Variants in NXPE2 observed in about 807,000 individuals in gnomAD.
NXPE2 encodes NXPE family member 2.
A neutral mutation model predicts 34.4 loss-of-function variants in NXPE2; 34 were observed. The observed-to-expected ratio is 0.99, with a 90% confidence interval of 0.75 to 1.31. NXPE2 has a LOEUF of 1.31. Among genes scored for constraint, NXPE2 ranks in the 40% most tolerant of loss-of-function variants. The probability of loss-of-function intolerance (pLI) is 0.00; values close to 1 mark genes in which losing one functional copy is unlikely to be tolerated. For missense variants in NXPE2, 649 were observed against 672.5 expected (o/e 0.97, Z 0.39); for synonymous variants, 235 against 231.3 (o/e 1.02, Z -0.15).
chr11:114,625,048 C>T, the NXPE2 span, among the ~76,000 whole-genome samples: 3 of 152,162 alleles, frequency 2.0e-5, no homozygotes, highest in South Asian at 2.1e-4. Context: ...AACACTGTTA[C>T]CCTGTGGATG....
chr11:114,658,973 G>A, the NXPE2 span, among the ~76,000 whole-genome samples: 1 of 152,104 alleles, frequency 6.6e-6, no homozygotes, highest in East Asian at 1.9e-4. Flanking sequence ...TGACACACAA[G>A]GAAGGACAAA....
At chr11:114,570,685 T>C in the NXPE2 span, 1 of 286,968 alleles carries the variant, frequency 3.5e-6, no homozygotes, top group Non-Finnish European at 6.4e-6. Flanking sequence ...TGACTTCCCA[T>C]TGGTGAAGAG....
upstream of NXPE2, among the ~76,000 whole-genome samples, chr11:114,676,617 T>C (rs1175420866): frequency 1.3e-5 from 2 of 151,822 alleles, no homozygotes; most frequent in African/African-American, 2.4e-5. Context: ...TAAGTGATGG[T>C]GAGGAGAGGG....
At chr11:114,591,909 G>C in the NXPE2 span, among the ~76,000 whole-genome samples, 3 of 152,020 alleles carry the variant, frequency 2.0e-5, no homozygotes, top group Non-Finnish European at 4.4e-5. Context: ...TTGTCAGGTG[G>C]CCCCTTCTCA....
At chr11:114,807,453 C>A in the NXPE2 span, among the ~76,000 whole-genome samples, 21 of 152,016 alleles carry the variant, frequency 1.4e-4, no homozygotes, top group Admixed American at 7.2e-4. Context: ...ACCCATCTCA[C>A]ATGCAGAGAC....
chr11:114,633,539 T>A, the NXPE2 span, among the ~76,000 whole-genome samples: 1 of 151,562 alleles, frequency 6.6e-6, no homozygotes, highest in South Asian at 2.1e-4. Flanking sequence ...TATATACATG[T>A]GCCATGCTTG....
At chr11:114,706,139 T>C in intron 5 of NXPE2, 143 bp downstream of exon 5, 1 of 445,238 alleles carries the variant, frequency 2.2e-6, no homozygotes, top group Non-Finnish European at 3.6e-6. Context: ...AACTTTTGGC[T>C]TTGGGCTTTT....
the NXPE2 span, among the ~76,000 whole-genome samples, chr11:114,497,731 C>T: frequency 6.6e-6 from 1 of 152,164 alleles, no homozygotes; most frequent in Non-Finnish European, 1.5e-5. Context: ...CAATGCATAA[C>T]TGTATTTGGT....
the NXPE2 span, among the ~76,000 whole-genome samples, chr11:114,766,412 A>G: frequency 6.6e-6 from 1 of 152,082 alleles, no homozygotes; most frequent in African/African-American, 2.4e-5. Flanking sequence ...CACTGACTCT[A>G]CATCTACAGC....
chr11:114,701,338 G>A (rs1304655757), intron 3 of NXPE2, among the ~76,000 whole-genome samples: 1 of 152,056 alleles, frequency 6.6e-6, no homozygotes, highest in African/African-American at 2.4e-5. Context: ...TGGGTTGAAG[G>A]TACCATCCTT....
At chr11:114,562,913 G>A in the NXPE2 span, among the ~76,000 whole-genome samples, 2 of 152,106 alleles carry the variant, frequency 1.3e-5, no homozygotes, top group South Asian at 4.1e-4. Context: ...GCCATACATG[G>A]TCGTTGGTGT....
the NXPE2 span, among the ~76,000 whole-genome samples, chr11:114,774,172 T>C: frequency 6.6e-6 from 1 of 152,220 alleles, no homozygotes; most frequent in Non-Finnish European, 1.5e-5. Flanking sequence ...TCCATGTTTC[T>C]GAGTTTCAGT....
At chr11:114,516,107 G>T in the NXPE2 span, among the ~76,000 whole-genome samples, 2 of 152,326 alleles carry the variant, frequency 1.3e-5, no homozygotes, top group South Asian at 4.1e-4. Flanking sequence ...AAATTCAAAT[G>T]CAGACAGTCT....
At chr11:114,643,731 G>C in the NXPE2 span, among the ~76,000 whole-genome samples, 3 of 151,692 alleles carry the variant, frequency 2.0e-5, no homozygotes, top group African/African-American at 7.3e-5. Context: ...AGATTGTCTT[G>C]GCTATATGGG....
chr11:114,609,143 C>T, the NXPE2 span, among the ~76,000 whole-genome samples: 2 of 152,036 alleles, frequency 1.3e-5, no homozygotes, highest in East Asian at 1.9e-4. Context: ...AGTATTGCCT[C>T]GTGGGTAACC....
At chr11:114,570,985 G>A in the NXPE2 span, 1 of 1,611,222 alleles carries the variant, frequency 6.2e-7, no homozygotes, top group South Asian at 1.1e-5. Context: ...CCGACTACAT[G>A]TTGAGGTGGG....
At chr11:114,643,249 T>C in the NXPE2 span, among the ~76,000 whole-genome samples, 1 of 152,116 alleles carries the variant, frequency 6.6e-6, no homozygotes, top group African/African-American at 2.4e-5. Context: ...GTGCAGAAGC[T>C]TTTTAGTTTA....
the NXPE2 span, among the ~76,000 whole-genome samples, chr11:114,542,934 T>C: frequency 4.6e-5 from 7 of 152,218 alleles, no homozygotes; most frequent in African/African-American, 1.4e-4. Flanking sequence ...CATCAATAAA[T>C]ATAAATTAGC....
At chr11:114,713,614 G>T in the NXPE2 span, among the ~76,000 whole-genome samples, 1 of 152,140 alleles carries the variant, frequency 6.6e-6, no homozygotes, top group Non-Finnish European at 1.5e-5. Flanking sequence ...GATATAGGTG[G>T]ACCAGTGCAG....
Sources: gnomAD v4.1 joint callset for allele counts (sites outside exome capture counted in the v4.1 genomes callset) on GRCh38, gnomAD v4.1.1 for gene constraint, MANE v1.5 for transcripts, NCBI Gene and HGNC (gene_info 2026-07-23, HGNC 2026-07-21) for gene names.